MSI2: variants seen among roughly 807,000 people sequenced by gnomAD.
MSI2 encodes RNA-binding protein Musashi homolog 2.
A neutral mutation model predicts 45.6 loss-of-function variants in MSI2; 17 were observed. The observed-to-expected ratio is 0.37, with a 90% CI of 0.26 to 0.56. The LOEUF (loss-of-function observed/expected upper bound fraction) is 0.56, where lower values mean the gene tolerates loss of function less well. MSI2 is among the 20% of genes least tolerant of loss of function. The pLI is 0.77. For missense variants in MSI2, 293 were observed against 444.2 expected, an observed-to-expected ratio of 0.66 and a Z score of 3.06; for synonymous variants, 156 against 158.2, an observed-to-expected ratio of 0.99 and a Z score of 0.11.
intron 5 of MSI2, among the ~76,000 whole-genome samples, chr17:57,296,790 A>T (rs964702181): frequency 5.3e-5 from 8 of 152,198 alleles, no homozygotes; most frequent in African/African-American, 1.9e-4. Flanking sequence ...AGAGATGAAC[A>T]TTAGGAAAAG....
chr17:57,462,773 G>A (rs1436473182), intron 6 of MSI2, among the ~76,000 whole-genome samples: 2 of 152,204 alleles, frequency 1.3e-5, no homozygotes, highest in Admixed American at 1.3e-4. Context: ...AGCATTATGG[G>A]CCATTAAGTC....
intron 5 of MSI2, among the ~76,000 whole-genome samples, chr17:57,362,760 A>G (rs1916903832): frequency 6.6e-6 from 1 of 152,180 alleles, no homozygotes; most frequent in Admixed American, 6.5e-5. Context: ...AAAAATTCAT[A>G]CTAAAGTGCT....
chr17:57,675,211 C>T, intron 12 of MSI2, 85 bp downstream of exon 12: 1 of 1,359,078 alleles, frequency 7.4e-7, no homozygotes, highest in Non-Finnish European at 1.0e-6. Context: ...GAAAGCCCAA[C>T]ATCGGGGGCA....
intron 6 of MSI2, among the ~76,000 whole-genome samples, chr17:57,474,010 T>C (rs1198416411): frequency 1.3e-5 from 2 of 152,164 alleles, no homozygotes; most frequent in Non-Finnish European, 2.9e-5. Flanking sequence ...TCCTCTTCTT[T>C]ATGGGGAAGA....
chr17:57,399,339 A>C (rs1240295589), intron 5 of MSI2, among the ~76,000 whole-genome samples: 1 of 152,264 alleles, frequency 6.6e-6, no homozygotes, highest in East Asian at 1.9e-4. Flanking sequence ...AATGGGCAGA[A>C]GGAAGTAGGG....
chr17:57,607,931 A>C (rs1567932899), intron 8 of MSI2, among the ~76,000 whole-genome samples: 1 of 152,178 alleles, frequency 6.6e-6, no homozygotes, highest in Non-Finnish European at 1.5e-5. Flanking sequence ...AGGTGGCCCA[A>C]ACCATTCACA....
intron 6 of MSI2, among the ~76,000 whole-genome samples, chr17:57,486,934 A>G (rs2085765786): frequency 6.6e-6 from 1 of 152,310 alleles, no homozygotes; most frequent in East Asian, 1.9e-4. Flanking sequence ...GACAGATACC[A>G]TAATACAAGG....
intron 9 of MSI2, among the ~76,000 whole-genome samples, chr17:57,620,217 C>T (rs557398067): frequency 5.5e-4 from 83 of 152,286 alleles, no homozygotes; most frequent in African/African-American, 1.9e-3. Context: ...AGTGGCTTAG[C>T]CTCTCTATTC....
chr17:57,494,959 C>T (rs533452950), intron 6 of MSI2, among the ~76,000 whole-genome samples: 29 of 152,058 alleles, frequency 1.9e-4, no homozygotes, highest in Admixed American at 1.6e-3. Flanking sequence ...AATTAGAAAA[C>T]GGTAGGAGCC....
intron 10 of MSI2, chr17:57,632,641 C>G (rs559541197): frequency 9.4e-7 from 1 of 1,066,196 alleles, no homozygotes; most frequent in Admixed American, 5.3e-5. Flanking sequence ...TCCTGCCCAT[C>G]ACCCTTAGAA....
At chr17:57,319,010 G>C (rs1913101313) in intron 5 of MSI2, among the ~76,000 whole-genome samples, 1 of 152,224 alleles carries the variant, frequency 6.6e-6, no homozygotes, top group South Asian at 2.1e-4. Flanking sequence ...TGTGGGCCCT[G>C]AAAGGACAAC....
chr17:57,606,902 G>A (rs112792920), intron 8 of MSI2, among the ~76,000 whole-genome samples: 4 of 151,898 alleles, frequency 2.6e-5, no homozygotes, highest in African/African-American at 9.7e-5. Flanking sequence ...TGATGGGGGG[G>A]GGTGGCTGGC....
intron 5 of MSI2, among the ~76,000 whole-genome samples, chr17:57,354,267 A>G (rs1330659399): frequency 6.6e-6 from 1 of 152,142 alleles, no homozygotes; most frequent in Non-Finnish European, 1.5e-5. Context: ...AGCTCTGGTG[A>G]TGTTAGTTTT....
At chr17:57,261,932 G>T (rs529332424) in intron 4 of MSI2, among the ~76,000 whole-genome samples, 1 of 152,290 alleles carries the variant, frequency 6.6e-6, no homozygotes, top group South Asian at 2.1e-4. Flanking sequence ...TGCATGGTGG[G>T]TCATTTCAGA....
intron 5 of MSI2, among the ~76,000 whole-genome samples, chr17:57,319,552 ATGGCTGGTATTGGGCTT>A (rs1913152477): frequency 6.6e-6 from 1 of 152,186 alleles, no homozygotes; most frequent in African/African-American, 2.4e-5. Context: ...GAGCTGCTTT[ATGGCTGGTATTGGGCTT>A]TGAACACATT....
At chr17:57,290,522 G>A (rs374076114) in intron 5 of MSI2, among the ~76,000 whole-genome samples, 6 of 152,306 alleles carry the variant, frequency 3.9e-5, no homozygotes, top group African/African-American at 1.4e-4. Context: ...TGTTGCCCAG[G>A]TGGGGGTCTC....
chr17:57,359,845 TGCCTTA>T (rs1916700425), intron 5 of MSI2, among the ~76,000 whole-genome samples: 2 of 152,268 alleles, frequency 1.3e-5, no homozygotes, highest in African/African-American at 2.4e-5. Context: ...TCCTATTTGC[TGCCTTA>T]GCCTGTCACC....
At chr17:57,548,877 T>C (rs1227805596) in intron 7 of MSI2, among the ~76,000 whole-genome samples, 1 of 151,332 alleles carries the variant, frequency 6.6e-6, no homozygotes, top group East Asian at 1.9e-4. Context: ...CACCCCTTAC[T>C]TCTCACTGTT....
At chr17:57,616,113 ATGG>A in intron 9 of MSI2, 29 bp downstream of exon 9, 1 of 1,586,408 alleles carries the variant, frequency 6.3e-7, no homozygotes, top group Non-Finnish European at 8.6e-7. Flanking sequence ...GCAGGTCACC[ATGG>A]ACTGGGAGGG....
Sources: gnomAD v4.1 joint callset for allele counts (sites outside exome capture counted in the v4.1 genomes callset) on GRCh38, gnomAD v4.1.1 for gene constraint, MANE v1.5 for transcripts, NCBI Gene and HGNC (gene_info 2026-07-23, HGNC 2026-07-21) for gene names.